SCMH1: variants seen among roughly 807,000 people sequenced by gnomAD.
SCMH1 encodes polycomb protein SCMH1.
SCMH1 carries 37 observed loss-of-function variants against 70.8 expected under a neutral mutation model. That is an observed-to-expected ratio of 0.52 (90% confidence interval 0.40 to 0.69). The LOEUF (loss-of-function observed/expected upper bound fraction) is 0.69. Ranked by LOEUF, SCMH1 falls within the 30% of genes least tolerant of loss-of-function variation. The pLI is 0.00. For missense variants in SCMH1, 607 were observed against 827.3 expected, an observed-to-expected ratio of 0.73 and a Z score of 3.27; for synonymous variants, 292 against 307.4, an observed-to-expected ratio of 0.95 and a Z score of 0.52.
At chr1:41,235,167 CAAAA>C (rs1662107657) in intron 1 of SCMH1, among the ~76,000 whole-genome samples, 1 of 152,080 alleles carries the variant, frequency 6.6e-6, no homozygotes, top group Non-Finnish European at 1.5e-5. Flanking sequence ...TTCAGACCTA[CAAAA>C]ACAGAAATTT....
intron 7 of SCMH1, among the ~76,000 whole-genome samples, chr1:41,114,935 C>T (rs1670096645): frequency 1.3e-5 from 2 of 152,090 alleles, no homozygotes; most frequent in South Asian, 4.1e-4. Context: ...GCCTTGGCCT[C>T]CCAAAAAGTG....
intron 1 of SCMH1, among the ~76,000 whole-genome samples, chr1:41,195,388 T>C (rs189598314): frequency 1.3e-5 from 2 of 151,964 alleles, no homozygotes; most frequent in East Asian, 1.9e-4. Flanking sequence ...TGAGGTTTAT[T>C]CCCAGAATAT....
At chr1:41,047,781 C>T (rs1647037904) in intron 11 of SCMH1, among the ~76,000 whole-genome samples, 3 of 152,126 alleles carry the variant, frequency 2.0e-5, no homozygotes, top group African/African-American at 7.2e-5. Flanking sequence ...TCTGGGTTCC[C>T]ACACCACTCT....
At chr1:41,226,057 AGCAAAATGTTTGTTACCTGTTT>A (rs1423130036) in intron 1 of SCMH1, among the ~76,000 whole-genome samples, 2 of 152,210 alleles carry the variant, frequency 1.3e-5, no homozygotes, top group Admixed American at 6.5e-5. Flanking sequence ...GGTCTTCATA[AGCAAAATGTTTGTTACCTGTTT>A]GCAAAAAGTA....
intron 10 of SCMH1, among the ~76,000 whole-genome samples, chr1:41,053,994 G>A (rs537043855): frequency 5.9e-5 from 9 of 152,104 alleles, no homozygotes; most frequent in African/African-American, 1.9e-4. Context: ...ACAGGCGCCC[G>A]CCACCACACC....
chr1:41,048,762 T>C (rs1388373005), exon 11 of SCMH1: 6 of 1,614,022 alleles, frequency 3.7e-6, no homozygotes, highest in Non-Finnish European at 5.1e-6. Context: ...GCACAGTCGA[T>C]ACAGGCCTGG....
chr1:41,187,397 G>A (rs566703228), intron 1 of SCMH1, among the ~76,000 whole-genome samples: 10 of 151,202 alleles, frequency 6.6e-5, no homozygotes, highest in Non-Finnish European at 1.5e-4. Flanking sequence ...AGGAGGCGGA[G>A]GTTGCAGTGA....
chr1:41,172,089 G>T (rs1325116196), intron 2 of SCMH1, among the ~76,000 whole-genome samples: 1 of 151,690 alleles, frequency 6.6e-6, no homozygotes, highest in Admixed American at 6.6e-5. Context: ...CTACTTGGAG[G>T]CTGAGGTGGG....
intron 5 of SCMH1, among the ~76,000 whole-genome samples, chr1:41,148,634 CTATATA>C (rs1469394693): frequency 1.3e-5 from 2 of 151,910 alleles, no homozygotes; most frequent in Non-Finnish European, 1.5e-5. Flanking sequence ...ATTAGTTATC[CTATATA>C]TAAAGTGTCT....
chr1:41,221,399 G>T (rs563537694), intron 1 of SCMH1, among the ~76,000 whole-genome samples: 1 of 152,022 alleles, frequency 6.6e-6, no homozygotes, highest in Non-Finnish European at 1.5e-5. Flanking sequence ...GTTAAAATAG[G>T]CCCAGCACTT....
intron 4 of SCMH1, chr1:41,160,050 A>C: frequency 4.0e-6 from 1 of 252,130 alleles, no homozygotes; most frequent in Non-Finnish European, 7.5e-6. Context: ...AGGAGTTCTG[A>C]CTCCTAGTCT....
chr1:41,151,507 G>T, intron 5 of SCMH1, 107 bp downstream of exon 5: 1 of 732,932 alleles, frequency 1.4e-6, no homozygotes, highest in Non-Finnish European at 2.2e-6. Context: ...TTATTCTGGG[G>T]CCCTCAGGTA....
intron 6 of SCMH1, among the ~76,000 whole-genome samples, chr1:41,137,055 A>G (rs1643464084): frequency 6.6e-6 from 1 of 152,154 alleles, no homozygotes; most frequent in Admixed American, 6.6e-5. Flanking sequence ...TTCTGAGATT[A>G]CAGGCATGAA....
intron 2 of SCMH1, among the ~76,000 whole-genome samples, chr1:41,178,797 C>T (rs537169200): frequency 2.6e-5 from 4 of 152,256 alleles, no homozygotes; most frequent in African/African-American, 9.6e-5. Context: ...GAGACTTTAA[C>T]ACCCCACTGT....
intron 1 of SCMH1, among the ~76,000 whole-genome samples, chr1:41,227,523 C>G (rs1056934778): frequency 6.6e-6 from 1 of 152,118 alleles, no homozygotes; most frequent in South Asian, 2.1e-4. Context: ...TATGATTCTA[C>G]TCATATGAAG....
chr1:41,181,091 A>T (rs577813132), intron 2 of SCMH1, among the ~76,000 whole-genome samples: 1 of 152,350 alleles, frequency 6.6e-6, no homozygotes, highest in South Asian at 2.1e-4. Context: ...AAAATAAGAA[A>T]TGGGGAAACG....
intron 10 of SCMH1, among the ~76,000 whole-genome samples, chr1:41,050,366 A>G (rs1647637923): frequency 6.6e-6 from 1 of 152,154 alleles, no homozygotes; most frequent in East Asian, 1.9e-4. Flanking sequence ...AAAGGTAGAA[A>G]AGATAAGAGC....
At chr1:41,170,139 A>G (rs1646689825) in intron 2 of SCMH1, among the ~76,000 whole-genome samples, 1 of 152,216 alleles carries the variant, frequency 6.6e-6, no homozygotes, top group Non-Finnish European at 1.5e-5. Flanking sequence ...AAGTGCTTAA[A>G]TGCCCATATC....
At chr1:41,028,243 G>A (rs139364750) in exon 15 of SCMH1, 7 of 1,614,030 alleles carry the variant, frequency 4.3e-6, no homozygotes, top group Non-Finnish European at 5.9e-6. Context: ...GAGCTTGAGT[G>A]CAGGCCCCAG....
Sources: allele counts gnomAD v4.1 joint callset (sites outside exome capture counted in the v4.1 genomes callset), GRCh38; gene constraint gnomAD v4.1.1; transcripts MANE v1.5; gene names NCBI Gene and HGNC (gene_info 2026-07-23, HGNC 2026-07-21).